Variants in CABIN1 observed in about 807,000 individuals in gnomAD.
CABIN1 encodes calcineurin-binding protein cabin-1.
In CABIN1, 133 loss-of-function variants were observed where a neutral mutation model predicts 227.7. That is an observed-to-expected ratio of 0.58 (90% CI 0.51 to 0.67). The LOEUF is 0.67. Among genes scored for constraint, CABIN1 ranks in the 30% least tolerant of loss-of-function variants. CABIN1 has a pLI of 0.00. For missense variants in CABIN1, 2,408 were observed against 2,852.5 expected (o/e 0.84, Z 3.55); for synonymous variants, 1,086 against 1,155.1 (o/e 0.94, Z 1.21).
At chr22:24,053,498 C>G (rs939342918) in intron 8 of CABIN1, among the ~76,000 whole-genome samples, 2 of 152,092 alleles carry the variant, frequency 1.3e-5, no homozygotes, top group Non-Finnish European at 2.9e-5. Context: ...CTGCCTCAGC[C>G]TCCCAAGTAA....
At chr22:24,127,043 C>A (rs948690284) in intron 28 of CABIN1, among the ~76,000 whole-genome samples, 7 of 151,550 alleles carry the variant, frequency 4.6e-5, no homozygotes, top group Non-Finnish European at 1.0e-4. Context: ...AAAACTGTCG[C>A]AAGGTTGTGG....
rs1414752713 is a variant in CABIN1 at position 24,037,367 on chromosome 22, G to A, written c.97-981G>A. ...ACCCAGGCTGGAGTGTAGTGGCATG[G>A]TCACAGCTCATTGTAACCTCTAACT... On this transcript the variant is annotated intron_variant, in intron 3 of 36. Coordinates refer to ENST00000263119, the MANE Select transcript of CABIN1 (RefSeq NM_012295.4). Among the ~76,000 whole-genome samples, 4 of 151,924 alleles carry A rather than the reference G, an allele frequency of 2.6e-5. No individual in the cohort carries two copies. The East Asian group carries it at 5.8e-4, about 22-fold the overall frequency.
Position 24,064,016 on chromosome 22 carries a change from C to G in CABIN1, c.1885-19C>G, listed in dbSNP as rs778092400. On this transcript the variant is annotated intron_variant, in intron 14 of 36. Transcript: ENST00000263119. Reference sequence around the variant, plus strand: ...CAGTCTTCTGCTTTGGTTCCCTGACCTGTTTTCCGTCTAACCAGGGAGACA... The same window carrying G: ...CAGTCTTCTGCTTTGGTTCCCTGACGTGTTTTCCGTCTAACCAGGGAGACA... 2 of 1,613,982 alleles carry G rather than the reference C, an allele frequency of 1.2e-6. No individual in the cohort carries two copies. The highest frequency in any genetic ancestry group is 1.7e-6 in the Non-Finnish European group (2 of 1,179,966).
chr22:24,074,294 A>C (rs980401572), intron 18 of CABIN1, among the ~76,000 whole-genome samples: 14 of 152,186 alleles, frequency 9.2e-5, no homozygotes, highest in African/African-American at 3.4e-4. Flanking sequence ...AAATACCTTA[A>C]ACTTTGAAAA....
intron 22 of CABIN1, among the ~76,000 whole-genome samples, chr22:24,086,500 G>A (rs768647351): frequency 6.6e-6 from 1 of 152,374 alleles, no homozygotes; most frequent in South Asian, 2.1e-4. Context: ...GCACTTGATG[G>A]CTTGATCCTG....
chr22:24,133,399 G>T (rs181550553), intron 28 of CABIN1, among the ~76,000 whole-genome samples: 6 of 152,356 alleles, frequency 3.9e-5, no homozygotes, highest in Non-Finnish European at 8.8e-5. Context: ...GGACAAGCTT[G>T]CAGGCCAAGA....
intron 27 of CABIN1, among the ~76,000 whole-genome samples, chr22:24,116,329 AAGC>A (rs1486719235): frequency 6.6e-6 from 1 of 152,274 alleles, no homozygotes; most frequent in Non-Finnish European, 1.5e-5. Flanking sequence ...GTAAAACCCA[AAGC>A]AGAGTTGACA....
chr22:24,104,417 G>A (rs913402287), intron 26 of CABIN1, among the ~76,000 whole-genome samples: 5 of 152,194 alleles, frequency 3.3e-5, no homozygotes, highest in African/African-American at 7.2e-5. Context: ...TGAGGCCTCC[G>A]AGCATCAGGC....
intron 25 of CABIN1, 80 bp downstream of exon 25, chr22:24,096,162 T>A: frequency 6.6e-7 from 1 of 1,506,324 alleles, no homozygotes; most frequent in Non-Finnish European, 9.2e-7. Context: ...AATGTGTTGT[T>A]CAGAGGGTTG....
Position 24,119,406 on chromosome 22 carries a change from G to C in CABIN1, c.4340G>C (p.Arg1447Pro). ...TCATTGGAGAGTACAGAAGGCTTCCGGGCTGCAGAGCAAGGTGTCCAGAAG... is the reference window on the plus strand; with the variant it reads ...TCATTGGAGAGTACAGAAGGCTTCCCGGCTGCAGAGCAAGGTGTCCAGAAG... The part of the protein sequence containing the change: ...EESLESTEGF[R>P]AAEQGVQKPA... The change falls in exon 28 of 37, where the codon CGG becomes CCG. Residue 1447 changes from arginine to proline, a missense_variant. Transcript: ENST00000263119. 6.2e-7 allele frequency: 1 copy of C among 1,613,984 alleles called. No individual in the cohort carries two copies. Among genetic ancestry groups the C allele is most frequent in the Non-Finnish European group, 8.5e-7 (1 of 1,180,020 alleles).
intron 29 of CABIN1, among the ~76,000 whole-genome samples, chr22:24,148,689 T>A (rs2045302598): frequency 6.6e-6 from 1 of 152,214 alleles, no homozygotes; most frequent in Non-Finnish European, 1.5e-5. Flanking sequence ...CAGTCCTTTT[T>A]CCAAAAGAAG....
At chr22:24,098,396 C>T (rs2042021333) in intron 26 of CABIN1, 4 of 1,105,790 alleles carry the variant, frequency 3.6e-6, no homozygotes, top group South Asian at 1.5e-5. Context: ...TCGCCACCTG[C>T]CAGCTTGCCC....
Position 24,178,300 on chromosome 22 carries a change from TC to T in CABIN1, c.*108del. 7.0e-7 allele frequency: 1 copy of T among 1,434,188 alleles called. No homozygotes were observed. The highest frequency in any genetic ancestry group is 9.6e-7 in the Non-Finnish European group (1 of 1,045,498). 88.8% of individuals were successfully genotyped at this position (1,434,188 alleles called of 1,614,324 possible). ...GACCAGAGGCCCACATGGATGCCAC[TC>T]CCCACACAGCCCCCAGGCCTGCCCA... On this transcript the variant is annotated 3_prime_UTR_variant, in exon 37 of 37. Coordinates refer to ENST00000263119, the MANE Select transcript of CABIN1 (RefSeq NM_012295.4).
At chr22:24,092,153 C>G (rs1349573995) in intron 24 of CABIN1, 1 of 434,754 alleles carries the variant, frequency 2.3e-6, no homozygotes, top group East Asian at 4.6e-5. Context: ...TAGCATCTCC[C>G]AGGCCCAGGA....
At chr22:24,060,667 A>G (rs1351421229) in intron 12 of CABIN1, among the ~76,000 whole-genome samples, 2 of 151,964 alleles carry the variant, frequency 1.3e-5, no homozygotes, top group Non-Finnish European at 2.9e-5. Context: ...GCTGGAGTGC[A>G]GTGGTGCAGT....
intron 16 of CABIN1, 134 bp from the exon 17 acceptor site, chr22:24,070,666 A>G (rs768460200): frequency 1.1e-4 from 141 of 1,316,696 alleles, no homozygotes; most frequent in Non-Finnish European, 1.4e-4. Flanking sequence ...CATGGGGCCT[A>G]TGTTGTGCTG....
rs144508482 is a variant in CABIN1, at chr22:24,059,096, C to T, written c.1263-131C>T. On this transcript the variant is annotated intron_variant, in intron 10 of 36. Coordinates refer to ENST00000263119, the MANE Select transcript of CABIN1 (RefSeq NM_012295.4). Reference sequence around the variant, plus strand: ...GCAGAGCCTCCTGGAGGCCTGGGTTCTGGACCCCACCACCCACTTATTTTA... The same window carrying T: ...GCAGAGCCTCCTGGAGGCCTGGGTTTTGGACCCCACCACCCACTTATTTTA... 8.1e-4 allele frequency: 928 copies of T among 1,145,160 alleles called. 1 individual carries two copies. Among genetic ancestry groups the T allele is most frequent in the Non-Finnish European group, 1.1e-3 (839 of 776,490 alleles). 70.9% of individuals were successfully genotyped at this position (1,145,160 alleles called of 1,614,324 possible).
chr22:24,169,105 A>G (rs1000439840), intron 33 of CABIN1, among the ~76,000 whole-genome samples: 3 of 152,052 alleles, frequency 2.0e-5, no homozygotes, highest in Non-Finnish European at 4.4e-5. Flanking sequence ...GGCAGGGAGT[A>G]GGGAGTTGGG....
intron 1 of CABIN1, among the ~76,000 whole-genome samples, chr22:24,022,571 T>G (rs986120563): frequency 3.3e-5 from 5 of 152,254 alleles, no homozygotes; most frequent in African/African-American, 1.2e-4. Context: ...AACATTTTTA[T>G]ACAAGTTTTG....
Sources: allele counts gnomAD v4.1 joint callset (sites outside exome capture counted in the v4.1 genomes callset), GRCh38; gene constraint gnomAD v4.1.1; transcripts MANE v1.5; gene names NCBI Gene and HGNC (gene_info 2026-07-23, HGNC 2026-07-21).